SYNDIG1: variants seen among roughly 807,000 people sequenced by gnomAD.
SYNDIG1 encodes the protein synapse differentiation-inducing gene protein 1.
SYNDIG1 carries 9 observed loss-of-function variants against 19.4 expected under a neutral mutation model. That is an observed-to-expected ratio of 0.46 (90% CI 0.28 to 0.81). The LOEUF is 0.81. SYNDIG1 is among the 30% of genes least tolerant of loss of function. SYNDIG1 has a pLI of 0.12. For synonymous variants in SYNDIG1, 141 were observed against 145.9 expected, an observed-to-expected ratio of 0.97 and a Z score of 0.24; for missense variants, 311 against 343.3, an observed-to-expected ratio of 0.91 and a Z score of 0.74.
intron 3 of SYNDIG1, among the ~76,000 whole-genome samples, chr20:24,617,836 AG>A (rs1256700358): frequency 3.5e-4 from 5 of 14,362 alleles, no homozygotes; most frequent in Non-Finnish European, 7.1e-4. Context: ...GAGACCGGGA[AG>A]GGGGGTCCTG....
chr20:24,617,058 C>T (rs1360889057), intron 3 of SYNDIG1, among the ~76,000 whole-genome samples: 1 of 152,218 alleles, frequency 6.6e-6, no homozygotes, highest in Non-Finnish European at 1.5e-5. Flanking sequence ...AGGCCTCTCC[C>T]TCTTCCTGTA....
At chr20:24,526,749 T>C (rs1384262636) in intron 1 of SYNDIG1, among the ~76,000 whole-genome samples, 1 of 152,192 alleles carries the variant, frequency 6.6e-6, no homozygotes, top group East Asian at 1.9e-4. Context: ...AGTCTCTAAG[T>C]AGATTTTTTA....
intron 3 of SYNDIG1, among the ~76,000 whole-genome samples, chr20:24,650,006 G>A (rs62215323): frequency 0.091 from 13,816 of 152,218 alleles, 854 homozygotes; most frequent in East Asian, 0.15. Flanking sequence ...CAGATGGATC[G>A]CATGGGCATG....
At chr20:24,573,386 C>T (rs371977757) in intron 2 of SYNDIG1, among the ~76,000 whole-genome samples, 1 of 152,172 alleles carries the variant, frequency 6.6e-6, no homozygotes, top group Admixed American at 6.5e-5. Flanking sequence ...CCACTCCCTA[C>T]CCCCAGCTTT....
intron 3 of SYNDIG1, among the ~76,000 whole-genome samples, chr20:24,662,105 T>G (rs1171809104): frequency 1.3e-5 from 2 of 151,946 alleles, no homozygotes; most frequent in African/African-American, 4.8e-5. Flanking sequence ...CCATTCAACC[T>G]AAGGAGGTGT....
intron 1 of SYNDIG1, among the ~76,000 whole-genome samples, chr20:24,510,154 A>G: frequency 6.6e-6 from 1 of 152,264 alleles, no homozygotes; most frequent in Non-Finnish European, 1.5e-5. Flanking sequence ...AATACACCTC[A>G]TTTCTTTATA....
intron 1 of SYNDIG1, among the ~76,000 whole-genome samples, chr20:24,532,719 A>G (rs2057285056): frequency 1.3e-5 from 2 of 152,248 alleles, no homozygotes; most frequent in Non-Finnish European, 2.9e-5. Context: ...GTGAGCATCC[A>G]TGCATGGCCC....
chr20:24,644,533 C>T (rs2059406409), intron 3 of SYNDIG1, among the ~76,000 whole-genome samples: 1 of 152,222 alleles, frequency 6.6e-6, no homozygotes, highest in African/African-American at 2.4e-5. Context: ...CTTGTTGCTT[C>T]TGCCTCACTC....
intron 1 of SYNDIG1, among the ~76,000 whole-genome samples, chr20:24,491,013 C>G (rs1168168662): frequency 6.6e-6 from 1 of 152,166 alleles, no homozygotes; most frequent in African/African-American, 2.4e-5. Context: ...TGGAGCTCCT[C>G]GTGCGTCTGG....
At chr20:24,491,074 C>T (rs1188398114) in intron 1 of SYNDIG1, among the ~76,000 whole-genome samples, 6 of 152,164 alleles carry the variant, frequency 3.9e-5, no homozygotes, top group African/African-American at 1.4e-4. Context: ...CAGGAAAGGA[C>T]AGGCGCCATG....
chr20:24,665,964 C>G lies in SYNDIG1; in HGVS notation c.*460C>G, dbSNP rs1359886431. ...TCCTTTGTGCCCCCCGGAGTCCACA[C>G]GCCTTCCCTGCAAGACGAGAATGGG... On this transcript the variant is annotated 3_prime_UTR_variant, in exon 4 of 4. Coordinates refer to ENST00000376862, the MANE Select transcript of SYNDIG1 (RefSeq NM_024893.3). 1 of 163,880 alleles carries G rather than the reference C, an allele frequency of 6.1e-6. No individual in the cohort carries two copies. The highest frequency in any genetic ancestry group is 1.3e-5 in the Non-Finnish European group (1 of 76,602). 10.2% of individuals were successfully genotyped at this position (163,880 alleles called of 1,614,324 possible).
intron 1 of SYNDIG1, 135 bp from the exon 2 acceptor site, chr20:24,542,885 T>G (rs1387687574): frequency 1.5e-6 from 1 of 688,308 alleles, no homozygotes; most frequent in African/African-American, 1.8e-5. Flanking sequence ...TAGGTAGGAC[T>G]GCATTTTATC....
At chr20:24,659,872 G>A (rs527705441) in intron 3 of SYNDIG1, among the ~76,000 whole-genome samples, 1 of 152,122 alleles carries the variant, frequency 6.6e-6, no homozygotes, top group Non-Finnish European at 1.5e-5. Context: ...CTCTGTAGAT[G>A]GTTCTTATCT....
chr20:24,612,142 T>C (rs915798355), intron 3 of SYNDIG1, among the ~76,000 whole-genome samples: 1 of 152,256 alleles, frequency 6.6e-6, no homozygotes, highest in Non-Finnish European at 1.5e-5. Context: ...GTGCTGTTCA[T>C]GAGAAAGGCT....
At chr20:24,492,020 C>T (rs1043797263) in intron 1 of SYNDIG1, among the ~76,000 whole-genome samples, 1 of 152,224 alleles carries the variant, frequency 6.6e-6, no homozygotes, top group Non-Finnish European at 1.5e-5. Flanking sequence ...GTGCCCTAGG[C>T]AGAGCCAGGC....
In SYNDIG1 at chr20:24,658,117, G is replaced by A. The variant is rs547254172; in HGVS notation, c.619-7229G>A. On this transcript the variant is annotated intron_variant, in intron 3 of 3. Transcript: ENST00000376862. The surrounding 1 kb of genome is among the most constrained non-coding windows in gnomAD (Gnocchi z 4.4). ...TGACTGCAGGAGAAACAATGCAGCCGGGGTAGACCTCAGAAAACGTCATGA... is the reference window on the plus strand; with the variant it reads ...TGACTGCAGGAGAAACAATGCAGCCAGGGTAGACCTCAGAAAACGTCATGA... Among the ~76,000 whole-genome samples, 7 of 152,246 alleles carry A rather than the reference G, an allele frequency of 4.6e-5. No homozygotes were observed. The highest frequency in any genetic ancestry group is 2.1e-4 in the South Asian group (1 of 4,820).
intron 3 of SYNDIG1, among the ~76,000 whole-genome samples, chr20:24,621,722 T>C (rs533433203): frequency 9.9e-5 from 15 of 152,216 alleles, no homozygotes; most frequent in Non-Finnish European, 1.9e-4. Context: ...TCCTTCCCTA[T>C]GCCCTACCAC....
At chr20:24,536,686 C>T (rs968397698) in intron 1 of SYNDIG1, among the ~76,000 whole-genome samples, 2 of 152,146 alleles carry the variant, frequency 1.3e-5, no homozygotes, top group South Asian at 4.1e-4. Context: ...AGCCCCAGCG[C>T]ACTTTCATTC....
intron 1 of SYNDIG1, among the ~76,000 whole-genome samples, chr20:24,486,859 ATGTTG>A (rs2055979208): frequency 6.6e-6 from 1 of 151,940 alleles, no homozygotes; most frequent in Non-Finnish European, 1.5e-5. Flanking sequence ...GGGTTTCACC[ATGTTG>A]TCCAGGATGG....
Sources: gnomAD v4.1 joint callset for allele counts (sites outside exome capture counted in the v4.1 genomes callset) on GRCh38, gnomAD v4.1.1 for gene constraint, Gnocchi (gnomAD v3.1) non-coding constraint, MANE v1.5 for transcripts, NCBI Gene and HGNC (gene_info 2026-07-23, HGNC 2026-07-21) for gene names.